ZNF248: variants seen among roughly 807,000 people sequenced by gnomAD.
ZNF248 encodes zinc finger protein 248.
A neutral mutation model predicts 44.3 loss-of-function variants in ZNF248; 20 were observed. The observed-to-expected ratio is 0.45, with a 90% CI of 0.32 to 0.66. The LOEUF (loss-of-function observed/expected upper bound fraction) is 0.66. Among genes scored for constraint, ZNF248 ranks in the 30% least tolerant of loss-of-function variants. The probability of loss-of-function intolerance (pLI) is 0.04; values close to 1 mark genes in which losing one functional copy is unlikely to be tolerated. For synonymous variants in ZNF248, 224 were observed against 229.0 expected (o/e 0.98, Z 0.20); for missense variants, 654 against 677.0 (o/e 0.97, Z 0.38).
At chr10:37,804,365 A>C (rs2050242350) in intron 6 of ZNF248, among the ~76,000 whole-genome samples, 1 of 152,014 alleles carries the variant, frequency 6.6e-6, no homozygotes, top group Non-Finnish European at 1.5e-5. Context: ...TACTGAGTAG[A>C]AAACATAGTT....
At chr10:37,778,827 G>A (rs1367705245) in intron 6 of ZNF248, among the ~76,000 whole-genome samples, 2 of 151,950 alleles carry the variant, frequency 1.3e-5, no homozygotes, top group African/African-American at 4.8e-5. Flanking sequence ...AATGATAAAG[G>A]GGATATCACC....
rs546235722 is a variant in ZNF248 at position 37,781,719 on chromosome 10, A to G, written c.331-5144T>C. Among the ~76,000 whole-genome samples, 4 of 152,322 alleles carry G rather than the reference A, an allele frequency of 2.6e-5. No individual in the cohort carries two copies. In the South Asian group the frequency reaches 8.3e-4, roughly 32 times the overall value. On this transcript the variant is annotated intron_variant, in intron 6 of 6. Transcript: ENST00000615949. Reference sequence around the variant, plus strand: ...AGGTGTGATTGAGGCTTAGGTGACTATAGTTTGTACATTGACCAGGCACTG... The same window carrying G: ...AGGTGTGATTGAGGCTTAGGTGACTGTAGTTTGTACATTGACCAGGCACTG...
At chr10:37,836,792 ACACACACACACACG>A (rs1241150030) in intron 5 of ZNF248, among the ~76,000 whole-genome samples, 2 of 151,782 alleles carry the variant, frequency 1.3e-5, no homozygotes, top group African/African-American at 4.8e-5. Flanking sequence ...ACACACACAC[ACACACACACACACG>A]CATTTTTTTG....
intron 5 of ZNF248, among the ~76,000 whole-genome samples, chr10:37,837,348 C>T (rs368791202): frequency 6.6e-6 from 1 of 152,212 alleles, no homozygotes; most frequent in African/African-American, 2.4e-5. Flanking sequence ...CTCTTGACCT[C>T]GTCATCCGCC....
downstream of ZNF248, among the ~76,000 whole-genome samples, chr10:37,826,892 T>C (rs1188459453): frequency 6.6e-6 from 1 of 152,184 alleles, no homozygotes; most frequent in Non-Finnish European, 1.5e-5. Context: ...GTATTATAAA[T>C]TCTCTACAGG....
At position 37,835,553 on chromosome 10, in the gene ZNF248, C is replaced by T. The variant is rs142318284; in HGVS notation, c.238+2064G>A. Among the ~76,000 whole-genome samples the T allele has an allele frequency of 3.2e-3, 481 of 152,184 alleles. 2 individuals carry two copies. Among genetic ancestry groups the T allele is most frequent in the African/African-American group, 9.9e-3 (413 of 41,508 alleles). On this transcript the variant is annotated intron_variant, in intron 5 of 5. Coordinates refer to ENST00000395867, the MANE Select transcript of ZNF248 (RefSeq NM_021045.3). ...GAAAAGGGGTTGGCATATAACTGCA[C>T]GGCAATGGCCCTTGAGCTAAGTATG... is the stretch of plus-strand genomic sequence containing the variant.
chr10:37,857,154 C>G (rs1410317263), intron 1 of ZNF248, 31 bp downstream of exon 1: 1 of 153,166 alleles, frequency 6.5e-6, no homozygotes, highest in East Asian at 1.9e-4. Flanking sequence ...TTCCTGTTAG[C>G]CTGCGCGCCC....
chr10:37,823,891 G>T (rs1406245403), downstream of ZNF248, among the ~76,000 whole-genome samples: 1 of 151,996 alleles, frequency 6.6e-6, no homozygotes, highest in Non-Finnish European at 1.5e-5. Flanking sequence ...CATCTTTAAT[G>T]GCTACGATAA....
At chr10:37,797,232 G>A (rs1209938352) in intron 6 of ZNF248, among the ~76,000 whole-genome samples, 2 of 150,920 alleles carry the variant, frequency 1.3e-5, no homozygotes, top group Admixed American at 1.3e-4. Context: ...CAAAGATCTA[G>A]ATATGTTTCA....
intron 3 of ZNF248, among the ~76,000 whole-genome samples, chr10:37,854,891 GA>G (rs991771570): frequency 3.5e-4 from 53 of 152,304 alleles, no homozygotes; most frequent in African/African-American, 1.3e-3. Context: ...AGGAATAATG[GA>G]AAATAGTGTG....
At chr10:37,820,520 CGTGCAACTG>C in intron 6 of ZNF248, 1 of 1,601,668 alleles carries the variant, frequency 6.2e-7, no homozygotes, top group African/African-American at 1.3e-5. Context: ...CGGTGAGGAT[CGTGCAACTG>C]GTGCAACACT....
chr10:37,806,583 A>G (rs1434964258), intron 6 of ZNF248, among the ~76,000 whole-genome samples: 2 of 150,946 alleles, frequency 1.3e-5, no homozygotes, highest in African/African-American at 4.9e-5. Flanking sequence ...TTTTTAATCA[A>G]TTTGTTCATT....
At chr10:37,758,628 C>A in the ZNF248 span, among the ~76,000 whole-genome samples, 1 of 152,206 alleles carries the variant, frequency 6.6e-6, no homozygotes, top group Non-Finnish European at 1.5e-5. Context: ...TCTATTTTCT[C>A]CCCTATATCT....
chr10:37,818,918 C>A lies in ZNF248; in HGVS notation c.330+14107G>T. 3.6e-6 allele frequency: 4 copies of A among 1,095,954 alleles called. No individual in the cohort carries two copies. In the South Asian group the frequency reaches 3.7e-5, roughly 10 times the overall value. The allele number at this position is 1,095,954 out of a possible 1,614,324, so 67.9% of individuals were successfully genotyped here. A position where few individuals can be genotyped will look rare whatever the true frequency, so the allele number is the denominator to read the frequency against. On this transcript the variant is annotated intron_variant, in intron 6 of 6. Transcript: ENST00000615949. ...CCAGAAAGACACTGATAGAAGATCA[C>A]ACCCACCGACCACACAACAATTTTA... is the stretch of plus-strand genomic sequence containing the variant.
intron 3 of ZNF248, among the ~76,000 whole-genome samples, chr10:37,839,506 A>ATAC (rs1564616869): frequency 1.8e-5 from 2 of 110,920 alleles, no homozygotes; most frequent in African/African-American, 6.5e-5. Flanking sequence ...TGTATACACA[A>ATAC]ACACACACAC....
chr10:37,784,847 GA>G (rs1232333459), intron 6 of ZNF248, among the ~76,000 whole-genome samples: 5 of 151,996 alleles, frequency 3.3e-5, no homozygotes, highest in Non-Finnish European at 7.4e-5. Context: ...GAGGTTGAGA[GA>G]AAAACAAAAA....
chr10:37,784,289 TC>T (rs2047630365), intron 6 of ZNF248, among the ~76,000 whole-genome samples: 1 of 152,238 alleles, frequency 6.6e-6, no homozygotes, highest in Admixed American at 6.5e-5. Flanking sequence ...TCCAAGTCCA[TC>T]TTAAAGTCCA....
At chr10:37,836,539 C>T (rs745454841) in intron 5 of ZNF248, among the ~76,000 whole-genome samples, 5 of 152,164 alleles carry the variant, frequency 3.3e-5, no homozygotes, top group Non-Finnish European at 7.3e-5. Flanking sequence ...CTGGACTACA[C>T]TGAATCCACA....
chr10:37,806,105 T>A (rs1482276925), intron 6 of ZNF248, among the ~76,000 whole-genome samples: 1 of 152,254 alleles, frequency 6.6e-6, no homozygotes, highest in African/African-American at 2.4e-5. Context: ...TATCCATTCA[T>A]CCATCAGGGG....
Sources: gnomAD v4.1 joint callset for allele counts (sites outside exome capture counted in the v4.1 genomes callset) on GRCh38, gnomAD v4.1.1 for gene constraint, MANE v1.5 for transcripts, NCBI Gene and HGNC (gene_info 2026-07-23, HGNC 2026-07-21) for gene names.